Variants in GBA1 observed in about 807,000 individuals in gnomAD.
The protein encoded by GBA1 is glucosylceramidase beta 1.
the GBA1 span, chr1:155,239,656 A>C: frequency 1.2e-6 from 2 of 1,614,206 alleles, no homozygotes; most frequent in Non-Finnish European, 8.5e-7. Flanking sequence ...AATTTTGGGC[A>C]GGGGGTGACA....
the GBA1 span, among the ~76,000 whole-genome samples, chr1:155,239,142 C>T: frequency 1.3e-5 from 2 of 151,086 alleles, no homozygotes; most frequent in Admixed American, 6.6e-5. Context: ...CACCTGAACC[C>T]GGGAGGTGGA....
the GBA1 span, chr1:155,240,974 C>T: frequency 3.7e-6 from 4 of 1,084,530 alleles, no homozygotes; most frequent in Non-Finnish European, 5.7e-6. Flanking sequence ...CTGTGCCTTG[C>T]TCAAAGAGCC....
At chr1:155,238,516 C>T in the GBA1 span, 1 of 1,611,964 alleles carries the variant, frequency 6.2e-7, no homozygotes, top group East Asian at 2.2e-5. Flanking sequence ...AGAATGCCTA[C>T]CTTGAGCTTG....
the GBA1 span, chr1:155,236,195 G>A: frequency 2.0e-6 from 3 of 1,484,806 alleles, no homozygotes; most frequent in Non-Finnish European, 2.8e-6. Flanking sequence ...GGTGAAACTA[G>A]TAAGAGGTCT....
chr1:155,236,307 C>T, the GBA1 span: 3 of 1,614,054 alleles, frequency 1.9e-6, no homozygotes, highest in South Asian at 1.1e-5. Context: ...ACACTCTGCT[C>T]CCAGAACTTG....
the GBA1 span, chr1:155,240,324 C>A: frequency 1.2e-5 from 7 of 602,068 alleles, no homozygotes; most frequent in East Asian, 8.3e-5. Context: ...ATTAGCTGGG[C>A]GTAGTGGTGG....
the GBA1 span, among the ~76,000 whole-genome samples, chr1:155,243,596 C>T: frequency 6.6e-6 from 1 of 152,050 alleles, no homozygotes; most frequent in East Asian, 1.9e-4. Flanking sequence ...TCCAGAATAG[C>T]TGGGACTATA....
At chr1:155,235,793 G>A in the GBA1 span, 2 of 1,614,234 alleles carry the variant, frequency 1.2e-6, no homozygotes, top group Non-Finnish European at 1.7e-6. Context: ...CCTCCTTCGG[G>A]GTTCAGGGCA....
At chr1:155,243,490 A>T in the GBA1 span, among the ~76,000 whole-genome samples, 1 of 152,138 alleles carries the variant, frequency 6.6e-6, no homozygotes, top group Non-Finnish European at 1.5e-5. Context: ...TGTTTGAGAC[A>T]GGGTCTCCGT....
the GBA1 span, chr1:155,238,274 G>C: frequency 6.2e-7 from 1 of 1,603,518 alleles, no homozygotes; most frequent in Non-Finnish European, 8.5e-7. Context: ...CGGGACGCTG[G>C]GCCAACTGCA....
chr1:155,238,185 T>C, the GBA1 span: 2 of 1,614,180 alleles, frequency 1.2e-6, no homozygotes, highest in Non-Finnish European at 1.7e-6. Context: ...GGGCTGTCCC[T>C]TGAGTGACCC....
chr1:155,237,538 C>T, the GBA1 span: 1 of 1,613,902 alleles, frequency 6.2e-7, no homozygotes, highest in Non-Finnish European at 8.5e-7. Context: ...GCTGTCACTG[C>T]CCAGAACTGT....
At chr1:155,239,138 A>G in the GBA1 span, among the ~76,000 whole-genome samples, 1 of 152,020 alleles carries the variant, frequency 6.6e-6, no homozygotes, top group Non-Finnish European at 1.5e-5. Flanking sequence ...GAATCACCTG[A>G]ACCCGGGAGG....
chr1:155,244,298 G>A, the GBA1 span: 1 of 152,250 alleles, frequency 6.6e-6, no homozygotes, highest in Admixed American at 6.5e-5. Context: ...TACTTGGGAG[G>A]CTGAGGTCGG....
the GBA1 span, chr1:155,235,499 G>A: frequency 9.8e-7 from 1 of 1,022,672 alleles, no homozygotes; most frequent in Non-Finnish European, 1.5e-6. Flanking sequence ...CTCAGGCATT[G>A]GGGTTTTCTG....
At chr1:155,244,547 G>T in the GBA1 span, 1 of 152,236 alleles carries the variant, frequency 6.6e-6, no homozygotes, top group Non-Finnish European at 1.5e-5. Flanking sequence ...GAGGCAAAAC[G>T]AAATCCCACC....
At chr1:155,236,572 C>G in the GBA1 span, 8 of 933,634 alleles carry the variant, frequency 8.6e-6, no homozygotes, top group South Asian at 6.9e-5. Context: ...AAGAATGCAA[C>G]TAGAGAGGTT....
At chr1:155,237,494 T>C in the GBA1 span, 3 of 1,613,830 alleles carry the variant, frequency 1.9e-6, no homozygotes. Context: ...GGAAGGGGTA[T>C]CCACTCAACA....
At chr1:155,239,746 C>T in the GBA1 span, 1 of 1,614,052 alleles carries the variant, frequency 6.2e-7, no homozygotes. Flanking sequence ...GTTCTGGCTG[C>T]AGGGTCAGTA....
Sources: gnomAD v4.1 joint callset for allele counts (sites outside exome capture counted in the v4.1 genomes callset) on GRCh38, gnomAD v4.1.1 for gene constraint, MANE v1.5 for transcripts, NCBI Gene and HGNC (gene_info 2026-07-23, HGNC 2026-07-21) for gene names.